DAB1: variants seen among roughly 807,000 people sequenced by gnomAD.
The protein encoded by DAB1 is DAB adaptor protein 1.
DAB1 carries 15 observed loss-of-function variants against 64.6 expected under a neutral mutation model. The observed-to-expected ratio is 0.23, with a 90% CI of 0.16 to 0.36. The LOEUF (loss-of-function observed/expected upper bound fraction) is 0.36. Ranked by LOEUF, DAB1 falls within the 10% of genes least tolerant of loss-of-function variation. DAB1 has a pLI of 1.00. For missense variants in DAB1, 596 were observed against 706.7 expected (o/e 0.84, Z 1.78); for synonymous variants, 235 against 251.9 (o/e 0.93, Z 0.64).
intron 3 of DAB1, among the ~76,000 whole-genome samples, chr1:58,362,281 T>G (rs1208869771): frequency 6.6e-6 from 1 of 152,194 alleles, no homozygotes; most frequent in African/African-American, 2.4e-5. Context: ...GACACTTTTC[T>G]CTGGGATTTA....
chr1:57,507,156 C>T (rs539827638), intron 7 of DAB1, among the ~76,000 whole-genome samples: 1 of 152,302 alleles, frequency 6.6e-6, no homozygotes, highest in African/African-American at 2.4e-5. Flanking sequence ...GTTCAAGGCC[C>T]TTCACCATCT....
chr1:58,475,477 AACACACACACACAC>A (rs112408529), intron 3 of DAB1, among the ~76,000 whole-genome samples: 1 of 148,134 alleles, frequency 6.8e-6, no homozygotes, highest in African/African-American at 2.5e-5. Context: ...AGGTTAATTA[AACACACACACACAC>A]ACACACACAC....
intron 5 of DAB1, among the ~76,000 whole-genome samples, chr1:57,938,854 C>T (rs1645063791): frequency 6.6e-6 from 1 of 151,992 alleles, no homozygotes; most frequent in South Asian, 2.1e-4. Context: ...TCTGCCTCTT[C>T]TGGGGACTCC....
intron 7 of DAB1, among the ~76,000 whole-genome samples, chr1:57,438,635 G>T (rs1685788512): frequency 6.6e-6 from 1 of 152,084 alleles, no homozygotes; most frequent in Admixed American, 6.5e-5. Flanking sequence ...CTTGCTCAGG[G>T]TCACAGCCCA....
intron 5 of DAB1, among the ~76,000 whole-genome samples, chr1:57,998,749 C>T (rs1646465909): frequency 6.6e-6 from 1 of 152,152 alleles, no homozygotes; most frequent in Admixed American, 6.5e-5. Context: ...TTGCCTGGCA[C>T]ATAGTAGATG....
At chr1:57,333,349 G>A (rs550620098) in intron 1 of DAB1, among the ~76,000 whole-genome samples, 2 of 151,698 alleles carry the variant, frequency 1.3e-5, no homozygotes, top group Non-Finnish European at 2.9e-5. Context: ...CTCACTTAAC[G>A]GCTCAGTTTC....
intron 5 of DAB1, among the ~76,000 whole-genome samples, chr1:57,889,895 G>C (rs925025521): frequency 9.5e-5 from 10 of 105,688 alleles, no homozygotes; most frequent in Admixed American, 2.0e-4. Flanking sequence ...AGCACAAACT[G>C]GGGCGGGGGG....
chr1:56,999,903 T>C (rs1224507199), intron 14 of DAB1, among the ~76,000 whole-genome samples: 3 of 152,196 alleles, frequency 2.0e-5, no homozygotes, highest in Non-Finnish European at 4.4e-5. Context: ...CTCCATGCCT[T>C]CTGCCCGTAG....
intron 14 of DAB1, among the ~76,000 whole-genome samples, chr1:57,001,760 A>C (rs1437917459): frequency 6.6e-6 from 1 of 152,192 alleles, no homozygotes; most frequent in Non-Finnish European, 1.5e-5. Flanking sequence ...TCATTCAGGC[A>C]GTTCCTTCTG....
intron 7 of DAB1, among the ~76,000 whole-genome samples, chr1:57,500,300 C>A (rs1054528463): frequency 2.0e-5 from 3 of 152,146 alleles, no homozygotes; most frequent in African/African-American, 4.8e-5. Flanking sequence ...ACGGCAGGAG[C>A]CTTAACACAG....
intron 3 of DAB1, among the ~76,000 whole-genome samples, chr1:58,477,316 CTTTT>C (rs921163180): frequency 2.7e-4 from 41 of 152,260 alleles, no homozygotes; most frequent in Admixed American, 2.0e-4. Context: ...ATTTAAGCTA[CTTTT>C]TTATCAGATT....
chr1:57,974,017 T>C (rs1281847181), intron 5 of DAB1, among the ~76,000 whole-genome samples: 1 of 152,108 alleles, frequency 6.6e-6, no homozygotes, highest in African/African-American at 2.4e-5. Context: ...CTTCCCCCTC[T>C]CTGACTTTAT....
At chr1:57,251,333 T>A (rs1321492126) in intron 2 of DAB1, among the ~76,000 whole-genome samples, 1 of 152,240 alleles carries the variant, frequency 6.6e-6, no homozygotes, top group African/African-American at 2.4e-5. Context: ...GTTGCCTTGA[T>A]ATTACTGTTA....
At chr1:57,948,061 T>C (rs1379583165) in intron 5 of DAB1, among the ~76,000 whole-genome samples, 1 of 151,996 alleles carries the variant, frequency 6.6e-6, no homozygotes, top group East Asian at 1.9e-4. Flanking sequence ...CCCTCTCTGC[T>C]CTACAACTTC....
chr1:57,063,481 G>A (rs1251027996), intron 8 of DAB1, among the ~76,000 whole-genome samples: 3 of 152,146 alleles, frequency 2.0e-5, no homozygotes, highest in Admixed American at 6.5e-5. Context: ...AAAGGCCCAC[G>A]AGTGGTATGG....
intron 2 of DAB1, among the ~76,000 whole-genome samples, chr1:57,201,178 T>C (rs1338479542): frequency 6.6e-6 from 1 of 152,200 alleles, no homozygotes; most frequent in Non-Finnish European, 1.5e-5. Context: ...TATAGGGTTT[T>C]TGTGGCTTTA....
chr1:57,457,284 TAGATAC>T (rs1471185381), intron 7 of DAB1, among the ~76,000 whole-genome samples: 2 of 152,150 alleles, frequency 1.3e-5, no homozygotes, highest in Non-Finnish European at 2.9e-5. Flanking sequence ...ACCTGTCATC[TAGATAC>T]AGATCTGTTA....
chr1:57,322,049 G>A (rs1336218809), intron 1 of DAB1, among the ~76,000 whole-genome samples: 1 of 152,062 alleles, frequency 6.6e-6, no homozygotes, highest in Non-Finnish European at 1.5e-5. Flanking sequence ...AATCCCACTG[G>A]CCCTAGCTAT....
intron 7 of DAB1, among the ~76,000 whole-genome samples, chr1:57,492,441 C>T (rs1644176794): frequency 6.6e-6 from 1 of 152,166 alleles, no homozygotes; most frequent in South Asian, 2.1e-4. Flanking sequence ...ACTCTGGAAA[C>T]TCTAGAAAAT....
Sources: allele counts gnomAD v4.1 joint callset (sites outside exome capture counted in the v4.1 genomes callset), GRCh38; gene constraint gnomAD v4.1.1; transcripts MANE v1.5; gene names NCBI Gene and HGNC (gene_info 2026-07-23, HGNC 2026-07-21).